The following ITSN2 variants were observed in gnomAD, a reference collection of about 807,000 sequenced individuals.
ITSN2 encodes the protein intersectin 2.
ITSN2 carries 156 observed loss-of-function variants against 243.7 expected under a neutral mutation model. The observed-to-expected ratio is 0.64, with a 90% CI of 0.56 to 0.73. The LOEUF is 0.73. ITSN2 is among the 30% of genes least tolerant of loss of function. ITSN2 has a pLI of 0.00. For missense variants in ITSN2, 1,801 were observed against 1,996.1 expected (o/e 0.90, Z 1.86); for synonymous variants, 703 against 699.9 (o/e 1.00, Z -0.07).
intron 15 of ITSN2, among the ~76,000 whole-genome samples, chr2:24,286,750 A>G (rs780246707): frequency 6.6e-6 from 1 of 152,214 alleles, no homozygotes; most frequent in Non-Finnish European, 1.5e-5. Context: ...AACTATAGTT[A>G]AAGTAGCTTT....
At chr2:24,271,995 A>C in intron 18 of ITSN2, 54 bp from the exon 19 acceptor site, 1 of 1,320,980 alleles carries the variant, frequency 7.6e-7, no homozygotes, top group Non-Finnish European at 1.0e-6. Flanking sequence ...TTTTACACTA[A>C]ATAAAAACAT....
intron 17 of ITSN2, among the ~76,000 whole-genome samples, chr2:24,277,930 G>A (rs534511115): frequency 1.1e-4 from 16 of 152,228 alleles, no homozygotes; most frequent in African/African-American, 2.6e-4. Flanking sequence ...GTCCTGGGCC[G>A]CATGTGGCCT....
chr2:24,281,734 GC>G (rs1678806492), intron 17 of ITSN2, among the ~76,000 whole-genome samples: 1 of 152,180 alleles, frequency 6.6e-6, no homozygotes, highest in African/African-American at 2.4e-5. Context: ...TCTATTTCAT[GC>G]CTATTTCTCT....
At chr2:24,358,869 A>G (rs1558682302) in intron 1 of ITSN2, among the ~76,000 whole-genome samples, 1 of 152,206 alleles carries the variant, frequency 6.6e-6, no homozygotes, top group Non-Finnish European at 1.5e-5. Context: ...GTAATTCTGT[A>G]CAGGTCAAGT....
intron 1 of ITSN2, among the ~76,000 whole-genome samples, chr2:24,357,080 G>A (rs1688515727): frequency 6.6e-6 from 1 of 152,272 alleles, no homozygotes; most frequent in East Asian, 1.9e-4. Context: ...ATTCCTCAAG[G>A]ATCTAGAACC....
intron 1 of ITSN2, among the ~76,000 whole-genome samples, chr2:24,340,858 G>A (rs1229979787): frequency 6.6e-6 from 1 of 151,974 alleles, no homozygotes; most frequent in Non-Finnish European, 1.5e-5. Context: ...CATTATCCAG[G>A]GAAAGTACAT....
At position 24,259,764 on chromosome 2, in the gene ITSN2, G is replaced by A. The variant is rs117584128; in HGVS notation, c.2682+1342C>T. 2.0e-4 allele frequency among the ~76,000 whole-genome samples: 31 copies of A among 152,206 alleles called. 1 individual carries two copies. The East Asian group carries it at 6.0e-3, about 29-fold the overall frequency. The stretch of plus-strand genomic sequence containing the variant: ...CTCAAATACCTTGCCCTTTGTGAAG[G>A]CTGCTCCAATTCTCACCAATTGAGT... On this transcript the variant is annotated intron_variant, in intron 22 of 39. Coordinates refer to ENST00000355123, the MANE Select transcript of ITSN2 (RefSeq NM_006277.3).
At chr2:24,311,661 G>C (rs1392541649) in intron 5 of ITSN2, 1 of 167,038 alleles carries the variant, frequency 6.0e-6, no homozygotes, top group Admixed American at 6.5e-5. Flanking sequence ...ATAAGAAATT[G>C]CCTGATCAAA....
At chr2:24,324,299 T>C (rs941522948) in intron 2 of ITSN2, among the ~76,000 whole-genome samples, 6 of 152,084 alleles carry the variant, frequency 3.9e-5, no homozygotes, top group African/African-American at 1.5e-4. Flanking sequence ...TACATGGGTA[T>C]ATATACCCCC....
chr2:24,232,739 C>T (rs1050621119), intron 29 of ITSN2, among the ~76,000 whole-genome samples: 2 of 152,116 alleles, frequency 1.3e-5, no homozygotes, highest in Non-Finnish European at 2.9e-5. Context: ...AAGAGACTTA[C>T]CAGATAAATT....
intron 20 of ITSN2, among the ~76,000 whole-genome samples, chr2:24,267,470 T>C (rs967428053): frequency 6.6e-6 from 1 of 151,796 alleles, no homozygotes; most frequent in Admixed American, 6.6e-5. Flanking sequence ...TGTACATACA[T>C]ACATACACAC....
Position 24,203,520 on chromosome 2 carries a change from G to C in ITSN2, c.*106C>G. On this transcript the variant is annotated 3_prime_UTR_variant, in exon 40 of 40. Coordinates refer to ENST00000355123, the MANE Select transcript of ITSN2 (RefSeq NM_006277.3). ...GAGCCCCCAGCGTGCATGGCTTTGTGAGGGGTGAAGCTGCATGGTGCTCCC... is the reference window on the plus strand; with the variant it reads ...GAGCCCCCAGCGTGCATGGCTTTGTCAGGGGTGAAGCTGCATGGTGCTCCC... 8.7e-7 allele frequency: 1 copy of C among 1,144,744 alleles called. No homozygotes were observed. Among genetic ancestry groups the C allele is most frequent in the Non-Finnish European group, 1.2e-6 (1 of 821,476 alleles). The allele number at this position is 1,144,744 out of a possible 1,614,324, so 70.9% of individuals were successfully genotyped here. A position where few individuals can be genotyped will look rare whatever the true frequency, so the allele number is the denominator to read the frequency against.
Position 24,272,484 on chromosome 2 carries a change from TAC to T in ITSN2, c.2082-545_2082-544del, listed in dbSNP as rs1280644375. On this transcript the variant is annotated intron_variant, in intron 18 of 39. Coordinates refer to ENST00000355123, the MANE Select transcript of ITSN2 (RefSeq NM_006277.3). The stretch of plus-strand genomic sequence containing the variant: ...TCTTACTCTATGGCCCAGGCTAGAG[TAC>T]AGTGGTTCAATCACAGGTCACTGCA... Among the ~76,000 whole-genome samples, 28 of 148,692 alleles carry T rather than the reference TAC, an allele frequency of 1.9e-4. No individual in the cohort carries two copies. The East Asian group carries it at 5.5e-3, about 29-fold the overall frequency.
chr2:24,331,096 A>G (rs1176582743), intron 1 of ITSN2, among the ~76,000 whole-genome samples: 65 of 129,532 alleles, frequency 5.0e-4, no homozygotes, highest in Non-Finnish European at 8.6e-4. Flanking sequence ...TTTAAGGCAG[A>G]GTTTCGCTCT....
chr2:24,356,685 G>A (rs918701754), intron 1 of ITSN2, among the ~76,000 whole-genome samples: 70 of 152,100 alleles, frequency 4.6e-4, no homozygotes, highest in Admixed American at 3.6e-3. Flanking sequence ...AGGCCAAGGC[G>A]GGTGGCTCAT....
At chr2:24,313,393 G>A (rs1027709400) in intron 4 of ITSN2, 67 bp downstream of exon 4, 7 of 1,298,676 alleles carry the variant, frequency 5.4e-6, no homozygotes, top group Non-Finnish European at 6.5e-6. Context: ...ACAATTTTAT[G>A]TTAACACTAT....
At position 24,298,744 on chromosome 2, in the gene ITSN2, T is replaced by C. The variant is rs980353512; in HGVS notation, c.1415A>G (p.Asn472Ser). The C allele has an allele frequency of 1.2e-6, 2 of 1,613,198 alleles. No individual in the cohort carries two copies. Among genetic ancestry groups the C allele is most frequent in the Admixed American group, 1.7e-5 (1 of 59,940 alleles). Reference sequence around the variant, plus strand: ...TTCTTCTTGTTCTCTATTCTTTTGATTGAGAAGCTCCTGTCGCCGAATTCT... The same window carrying C: ...TTCTTCTTGTTCTCTATTCTTTTGACTGAGAAGCTCCTGTCGCCGAATTCT... The part of the protein sequence containing the change: ...WERIRRQELL[N>S]QKNREQEEIV... Residue 472 changes from asparagine to serine, a missense_variant, in exon 13 of 40, where the codon AAT becomes AGT. This residue lies in a region of ITSN2 where 787 missense variants were observed against 803.9 expected (regional missense o/e 0.98). Coordinates refer to ENST00000355123, the MANE Select transcript of ITSN2 (RefSeq NM_006277.3).
chr2:24,310,547 T>A lies in ITSN2; in HGVS notation c.498A>T (p.Ser166=). ...TPLVPSVSTS[S]LPNGTASLIQ... is the part of the protein sequence containing the mutation. ...TGAGACTGGCGGTTCCATTTGGTAA[T>A]GATGATGTGCTAACAGAAGGCACTA... Residue 166 remains serine (S), a synonymous_variant, in exon 6 of 40, where the codon TCA becomes TCT. Coordinates refer to ENST00000355123, the MANE Select transcript of ITSN2 (RefSeq NM_006277.3). 1.2e-6 allele frequency: 2 copies of A among 1,614,064 alleles called. No homozygotes were observed. Among genetic ancestry groups the A allele is most frequent in the Non-Finnish European group, 1.7e-6 (2 of 1,180,000 alleles).
chr2:24,344,717 T>C (rs1687357492), intron 1 of ITSN2, among the ~76,000 whole-genome samples: 1 of 152,148 alleles, frequency 6.6e-6, no homozygotes, highest in African/African-American at 2.4e-5. Flanking sequence ...TTTGGGAAGC[T>C]GAGGCAGGTG....
Sources: gnomAD v4.1 joint callset for allele counts (sites outside exome capture counted in the v4.1 genomes callset) on GRCh38, gnomAD v4.1.1 for gene constraint, gnomAD v4.1.1 regional missense constraint, MANE v1.5 for transcripts, NCBI Gene and HGNC (gene_info 2026-07-23, HGNC 2026-07-21) for gene names.